SPRY3: variants seen among roughly 807,000 people sequenced by gnomAD.
SPRY3 encodes the protein protein sprouty homolog 3.
A neutral mutation model predicts 20.2 loss-of-function variants in SPRY3; 15 were observed. That is an observed-to-expected ratio of 0.74 (90% CI 0.50 to 1.14). The LOEUF is 1.14. Ranked by LOEUF, SPRY3 falls within the 50% of genes most tolerant of loss-of-function variation. The pLI, the probability that SPRY3 is intolerant of heterozygous loss-of-function variation, is 0.00. For missense variants in SPRY3, 364 were observed against 363.9 expected (o/e 1.00, Z 0.00); for synonymous variants, 143 against 136.5 (o/e 1.05, Z -0.33).
chrX:155,770,241 T>G (rs2091372663), intron 3 of SPRY3, among the ~76,000 whole-genome samples: 1 of 152,148 alleles, frequency 6.6e-6, no homozygotes, highest in Admixed American at 6.5e-5. Context: ...AAATCAGAAC[T>G]GTCTTGCGGT....
rs778889058 is a variant in SPRY3 at position 155,717,205 on chromosome X, CA to C, written c.-281-50756del. ...CTTTTATTTTTTTGCTGGGCCTTCTCAGATTTACCCTGTCTATGCTTGTTAT... is the reference window on the plus strand; with the variant it reads ...CTTTTATTTTTTTGCTGGGCCTTCTCGATTTACCCTGTCTATGCTTGTTAT... On this transcript the variant is annotated intron_variant, in intron 2 of 3. Transcript: ENST00000675360. Among the ~76,000 whole-genome samples the C allele has an allele frequency of 2.0e-3, 297 of 149,908 alleles. 1 individual carries two copies. The highest frequency in any genetic ancestry group is 6.8e-3 in the African/African-American group (277 of 40,966).
intron 2 of SPRY3, among the ~76,000 whole-genome samples, chrX:155,747,786 G>A (rs306897): frequency 0.12 from 17,504 of 151,836 alleles, 1,629 homozygotes; most frequent in African/African-American, 0.26. Context: ...GACCAAAAAC[G>A]TTATTGAGAC....
At chrX:155,733,043 A>G (rs1381455654) in intron 2 of SPRY3, among the ~76,000 whole-genome samples, 7 of 151,962 alleles carry the variant, frequency 4.6e-5, no homozygotes, top group Non-Finnish European at 7.4e-5. Context: ...GGAATGGTTA[A>G]TGGGTACAAA....
chrX:155,766,937 A>G (rs1180224751), intron 2 of SPRY3, among the ~76,000 whole-genome samples: 2 of 152,162 alleles, frequency 1.3e-5, no homozygotes, highest in Non-Finnish European at 2.9e-5. Context: ...GAACCCTTAA[A>G]CAAAGGAGAA....
At chrX:155,686,095 G>A (rs2068086990) in intron 2 of SPRY3, among the ~76,000 whole-genome samples, 1 of 111,605 alleles carries the variant, frequency 9.0e-6, no homozygotes, top group South Asian at 3.8e-4. Context: ...TTATTTAACT[G>A]ATTATTTCAG....
intron 2 of SPRY3, among the ~76,000 whole-genome samples, chrX:155,664,953 G>A (rs1420412161): frequency 9.1e-6 from 1 of 109,946 alleles, no homozygotes; most frequent in Non-Finnish European, 1.9e-5. Context: ...TTCAGTATAA[G>A]CAAAGGTAAA....
chrX:155,768,030 C>T (rs1244139937), exon 3 of SPRY3: 3 of 152,102 alleles, frequency 2.0e-5, no homozygotes, highest in African/African-American at 4.8e-5. Flanking sequence ...TTCAGACTTT[C>T]CGAAGAGAGG....
intron 3 of SPRY3, among the ~76,000 whole-genome samples, chrX:155,769,704 C>A (rs1478540467): frequency 6.6e-6 from 1 of 152,156 alleles, no homozygotes; most frequent in Non-Finnish European, 1.5e-5. Context: ...GCAAGACTCC[C>A]TGGTTTGAAA....
At chrX:155,612,929 C>G (rs1557348526) in intron 1 of SPRY3, 2 of 112,369 alleles carry the variant, frequency 1.8e-5, no homozygotes. Flanking sequence ...CTCCCCCAGC[C>G]CGCTCGGGCC....
At chrX:155,617,249 T>C (rs1392808907) in intron 1 of SPRY3, among the ~76,000 whole-genome samples, 2 of 109,429 alleles carry the variant, frequency 1.8e-5, no homozygotes, top group East Asian at 5.7e-4. Context: ...TGGCATAAAA[T>C]AGGGGCTTGT....
chrX:155,640,038 T>G (rs981880221), intron 1 of SPRY3, among the ~76,000 whole-genome samples: 1 of 112,231 alleles, frequency 8.9e-6, no homozygotes, highest in Non-Finnish European at 1.9e-5. Flanking sequence ...TCAAGTCCTT[T>G]GCCCACTTTT....
chrX:155,738,075 G>C (rs1214431260), intron 2 of SPRY3, among the ~76,000 whole-genome samples: 3 of 152,080 alleles, frequency 2.0e-5, no homozygotes, highest in Non-Finnish European at 4.4e-5. Context: ...AATGTAAACT[G>C]TAAAACATTT....
intron 2 of SPRY3, among the ~76,000 whole-genome samples, chrX:155,717,866 A>T (rs777405776): frequency 1.9e-4 from 29 of 152,224 alleles, no homozygotes; most frequent in African/African-American, 7.0e-4. Context: ...CAATAAACAT[A>T]TGTGTGCATG....
In SPRY3 at chrX:155,767,724, G is replaced by GGCGGAGGAGGAGAGAGAAAGAA. The variant is rs1569399996; in HGVS notation, c.-281-237_-281-236insCGGAGGAGGAGAGAGAAAGAAG. ...AGAAAGAAGAGGAGGAGGAGAAAGA[G>GGCGGAGGAGGAGAGAGAAAGAA]GAGGAGGAGGAGAGAGAGGAGGAGG... On this transcript the variant is annotated intron_variant, in intron 2 of 3. Coordinates refer to ENST00000675360, the Ensembl canonical transcript of SPRY3. 5.7e-4 allele frequency: 57 copies of GGCGGAGGAGGAGAGAGAAAGAA among 99,312 alleles called. 1 individual carries two copies. The highest frequency in any genetic ancestry group is 8.9e-4 in the Non-Finnish European group (48 of 53,894). The allele number at this position is 99,312 out of a possible 1,614,324, so 6.2% of individuals were successfully genotyped here.
intron 1 of SPRY3, among the ~76,000 whole-genome samples, chrX:155,645,287 G>T (rs1182208131): frequency 1.8e-5 from 2 of 112,047 alleles, no homozygotes; most frequent in Admixed American, 1.9e-4. Flanking sequence ...ACTGCCTCAG[G>T]TTACAAACAC....
At chrX:155,658,497 G>T (rs2067999072) in intron 2 of SPRY3, among the ~76,000 whole-genome samples, 1 of 111,853 alleles carries the variant, frequency 8.9e-6, no homozygotes, top group Admixed American at 9.5e-5. Context: ...ATACTGTTTG[G>T]TGTATAGAAA....
intron 2 of SPRY3, among the ~76,000 whole-genome samples, chrX:155,720,199 G>T (rs755349317): frequency 6.6e-6 from 1 of 152,138 alleles, no homozygotes; most frequent in African/African-American, 2.4e-5. Flanking sequence ...GCCACAGGGT[G>T]GGGCTCCTTT....
intron 2 of SPRY3, among the ~76,000 whole-genome samples, chrX:155,658,157 A>G (rs2067997936): frequency 9.0e-6 from 1 of 111,188 alleles, no homozygotes; most frequent in African/African-American, 3.3e-5. Context: ...TTTGCTTAGG[A>G]TTGCTTTGGC....
At position 155,773,750 on chromosome X, in the gene SPRY3, A is replaced by G. The variant is rs777587560; in HGVS notation, c.-106-16A>G. ...CTGTGTGTTCTCATTTACTGTTTTT[A>G]TGCCTTCTCTCCTAGGATTTTCTCA... On this transcript the variant is annotated splice_polypyrimidine_tract_variant and intron_variant, in intron 3 of 3. Coordinates refer to ENST00000675360, the Ensembl canonical transcript of SPRY3. 7.6e-6 allele frequency: 9 copies of G among 1,179,406 alleles called. No homozygotes were observed. The East Asian group carries it at 9.4e-5, about 12-fold the overall frequency. 73.1% of individuals were successfully genotyped at this position (1,179,406 alleles called of 1,614,324 possible). A position where few individuals can be genotyped will look rare whatever the true frequency, so the allele number is the denominator to read the frequency against.
Sources: allele counts gnomAD v4.1 joint callset (sites outside exome capture counted in the v4.1 genomes callset), GRCh38; gene constraint gnomAD v4.1.1; transcripts MANE v1.5; gene names NCBI Gene and HGNC (gene_info 2026-07-23, HGNC 2026-07-21).